The following SCAI variants were observed in gnomAD, a reference collection of about 807,000 sequenced individuals.
SCAI encodes the protein suppressor of cancer cell invasion, also known as protein SCAI.
In SCAI, 24 loss-of-function variants were observed where a neutral mutation model predicts 92.2. The ratio of observed to expected loss-of-function variants is 0.26; its 90% CI spans 0.19 to 0.37. The LOEUF is 0.37. Among genes scored for constraint, SCAI ranks in the 10% least tolerant of loss-of-function variants. SCAI has a pLI of 1.00. For synonymous variants in SCAI, 261 were observed against 258.6 expected, an observed-to-expected ratio of 1.01 and a Z score of -0.09; for missense variants, 450 against 736.2, an observed-to-expected ratio of 0.61 and a Z score of 4.50.
At chr9:124,986,115 C>T (rs1831985500) in intron 14 of SCAI, among the ~76,000 whole-genome samples, 1 of 151,958 alleles carries the variant, frequency 6.6e-6, no homozygotes, top group Non-Finnish European at 1.5e-5. Context: ...CATGGTGAAA[C>T]CCCATCTCTA....
At chr9:125,046,497 T>C (rs1335885082) in intron 3 of SCAI, among the ~76,000 whole-genome samples, 3 of 149,424 alleles carry the variant, frequency 2.0e-5, no homozygotes, top group African/African-American at 7.4e-5. Context: ...AGGTGGAAGC[T>C]AAAGTATGAG....
Position 124,945,240 on chromosome 9 carries a change from G to A in SCAI, c.*7567C>T, listed in dbSNP as rs1831127559. 1 of 152,136 alleles carries A rather than the reference G, an allele frequency of 6.6e-6. No individual in the cohort carries two copies. The highest frequency in any genetic ancestry group is 2.4e-5 in the African/African-American group (1 of 41,436). The allele number at this position is 152,136 out of a possible 1,614,324, so 9.4% of individuals were successfully genotyped here. A position where few individuals can be genotyped will look rare whatever the true frequency, so the allele number is the denominator to read the frequency against. The stretch of plus-strand genomic sequence containing the variant: ...ATGTTTAAACATGGCACTGGTTAAA[G>A]TAGTCTGATAACTATTAAAAAGAAT... On this transcript the variant is annotated 3_prime_UTR_variant, in exon 18 of 18. Coordinates refer to ENST00000336505, the MANE Select transcript of SCAI (RefSeq NM_001144877.3).
intron 2 of SCAI, among the ~76,000 whole-genome samples, chr9:125,082,024 A>G (rs1834229931): frequency 6.6e-6 from 1 of 152,196 alleles, no homozygotes. Context: ...ATTAATCCCC[A>G]AGACTATGGA....
intron 11 of SCAI, 132 bp from the exon 12 acceptor site, chr9:125,002,175 C>T (rs1220916456): frequency 1.4e-5 from 9 of 651,662 alleles, no homozygotes; most frequent in Admixed American, 2.5e-5. Flanking sequence ...AGAGAAGAAA[C>T]GCTCTTCTTG....
chr9:125,011,938 A>G (rs1832649489), intron 9 of SCAI, among the ~76,000 whole-genome samples: 1 of 152,216 alleles, frequency 6.6e-6, no homozygotes, highest in Non-Finnish European at 1.5e-5. Flanking sequence ...ACTAAGCTTG[A>G]TAAGTGAAGG....
intron 5 of SCAI, among the ~76,000 whole-genome samples, chr9:125,027,712 G>C (rs374881512): frequency 2.0e-5 from 3 of 152,022 alleles, no homozygotes; most frequent in Admixed American, 2.0e-4. Flanking sequence ...TAGTAGAGAC[G>C]GGGTTTCACT....
At chr9:125,123,077 C>T (rs1193103393) in intron 2 of SCAI, among the ~76,000 whole-genome samples, 1 of 152,044 alleles carries the variant, frequency 6.6e-6, no homozygotes, top group Non-Finnish European at 1.5e-5. Context: ...GAAAGACAGG[C>T]TACGACAGGC....
At chr9:125,131,332 C>T (rs935716913) in intron 2 of SCAI, among the ~76,000 whole-genome samples, 4 of 149,456 alleles carry the variant, frequency 2.7e-5, no homozygotes, top group Non-Finnish European at 5.9e-5. Flanking sequence ...CGCTGGAACC[C>T]GGGAGGCGGA....
At chr9:124,974,644 G>A (rs1313503247) in intron 15 of SCAI, among the ~76,000 whole-genome samples, 2 of 152,094 alleles carry the variant, frequency 1.3e-5, no homozygotes, top group East Asian at 1.9e-4. Context: ...TTTTGAATCT[G>A]CTTTTGTAAC....
chr9:125,035,319 C>T (rs977722211), intron 3 of SCAI, among the ~76,000 whole-genome samples: 8 of 151,764 alleles, frequency 5.3e-5, no homozygotes, highest in South Asian at 2.1e-4. Flanking sequence ...CATACCACTG[C>T]GCTCCAGCCT....
At chr9:124,980,322 TC>T (rs57436735) in intron 14 of SCAI, among the ~76,000 whole-genome samples, 1 of 151,506 alleles carries the variant, frequency 6.6e-6, no homozygotes, top group African/African-American at 2.4e-5. Context: ...TTTTTTTTTT[TC>T]CCCCAATAAT....
At chr9:125,074,500 C>T (rs10986546) in intron 2 of SCAI, among the ~76,000 whole-genome samples, 3 of 149,224 alleles carry the variant, frequency 2.0e-5, no homozygotes, top group Non-Finnish European at 3.0e-5. Context: ...TCAAGTGATC[C>T]GCCCACCTCG....
At chr9:124,996,220 TG>T (rs899773048) in intron 13 of SCAI, among the ~76,000 whole-genome samples, 10 of 12,852 alleles carry the variant, frequency 7.8e-4, no homozygotes, top group Admixed American at 2.2e-3. Flanking sequence ...GGGGCGGGGG[TG>T]GGGGGGTGGT....
At chr9:125,068,238 C>T (rs1833909762) in intron 2 of SCAI, among the ~76,000 whole-genome samples, 3 of 152,052 alleles carry the variant, frequency 2.0e-5, no homozygotes, top group Non-Finnish European at 4.4e-5. Flanking sequence ...TGGTGGCTCA[C>T]ACCTGTAATC....
chr9:125,040,145 A>C (rs1251056819), intron 3 of SCAI, among the ~76,000 whole-genome samples: 2 of 152,030 alleles, frequency 1.3e-5, no homozygotes, highest in East Asian at 1.9e-4. Context: ...ACTTGAATCC[A>C]GGAGTTCGAG....
intron 2 of SCAI, among the ~76,000 whole-genome samples, chr9:125,084,272 G>A (rs1024842835): frequency 1.5e-4 from 22 of 142,632 alleles, no homozygotes; most frequent in Non-Finnish European, 3.0e-4. Flanking sequence ...CCAGGTTCAC[G>A]CCGTTCTCCT....
chr9:125,142,837 T>C (rs988836597), intron 1 of SCAI, among the ~76,000 whole-genome samples, 160 bp from the exon 2 acceptor site: 6 of 152,018 alleles, frequency 3.9e-5, no homozygotes, highest in Non-Finnish European at 5.9e-5. Context: ...CTGTTTCCCC[T>C]ATTTACCAAG....
intron 2 of SCAI, among the ~76,000 whole-genome samples, chr9:125,102,949 C>T (rs923773977): frequency 1.3e-5 from 2 of 152,096 alleles, no homozygotes; most frequent in Non-Finnish European, 2.9e-5. Flanking sequence ...TTTCTCTATA[C>T]AGCTAAATTT....
chr9:125,114,801 T>C (rs1588235417), intron 2 of SCAI, among the ~76,000 whole-genome samples: 1 of 131,014 alleles, frequency 7.6e-6, no homozygotes. Flanking sequence ...TGAGAGGGAG[T>C]CTTGCTCTGT....
Sources: gnomAD v4.1 joint callset for allele counts (sites outside exome capture counted in the v4.1 genomes callset) on GRCh38, gnomAD v4.1.1 for gene constraint, MANE v1.5 for transcripts, NCBI Gene and HGNC (gene_info 2026-07-23, HGNC 2026-07-21) for gene names.